Variants in IL15 observed in about 807,000 individuals in gnomAD.
IL15 encodes the protein interleukin 15.
Under a neutral mutation model 19.6 loss-of-function variants are expected in IL15, and 11 were observed. The observed-to-expected ratio is 0.56, with a 90% confidence interval of 0.35 to 0.93. The LOEUF is 0.93. Ranked by LOEUF, IL15 falls within the 40% of genes least tolerant of loss-of-function variation. The pLI, the probability that IL15 is intolerant of heterozygous loss-of-function variation, is 0.01. For missense variants in IL15, 197 were observed against 186.5 expected (o/e 1.06, Z -0.33); for synonymous variants, 58 against 59.6 (o/e 0.97, Z 0.12).
intron 5 of IL15, among the ~76,000 whole-genome samples, chr4:141,726,642 C>A (rs1427289410): frequency 6.6e-6 from 1 of 152,116 alleles, no homozygotes; most frequent in Admixed American, 6.6e-5. Context: ...AAAATATGTA[C>A]ATGAATGTTC....
intron 1 of IL15, among the ~76,000 whole-genome samples, chr4:141,649,751 T>C (rs1403491366): frequency 6.6e-6 from 1 of 151,994 alleles, no homozygotes; most frequent in African/African-American, 2.4e-5. Flanking sequence ...CTTGCTGCAA[T>C]TAAATATGGT....
chr4:141,642,240 T>C (rs187653834), intron 1 of IL15, among the ~76,000 whole-genome samples: 57 of 152,120 alleles, frequency 3.7e-4, no homozygotes, highest in African/African-American at 1.4e-3. Context: ...AGGGTAATTA[T>C]GAAAGAGGAA....
rs146591199 is a variant in IL15, at chr4:141,656,161, T to C, written c.-221-25T>C. ...ACTCAATACATAATTATTAATCCTC[T>C]TATCCGTACCTTTGACTCTTACAGA... On this transcript the variant is annotated intron_variant, in intron 1 of 7. Coordinates refer to ENST00000320650, the MANE Select transcript of IL15 (RefSeq NM_000585.5). The C allele has an allele frequency of 1.8e-3, 709 of 398,330 alleles. 6 individuals are homozygous for C. The highest frequency in any genetic ancestry group is 0.014 in the African/African-American group (671 of 48,726). The allele number at this position is 398,330 out of a possible 1,614,324, so 24.7% of individuals were successfully genotyped here. A position where few individuals can be genotyped will look rare whatever the true frequency, so the allele number is the denominator to read the frequency against.
At chr4:141,689,828 GCT>G (rs1728846888) in intron 2 of IL15, among the ~76,000 whole-genome samples, 2 of 152,236 alleles carry the variant, frequency 1.3e-5, no homozygotes, top group Admixed American at 1.3e-4. Context: ...TGCAGGTGGA[GCT>G]GCCTGCCAGT....
chr4:141,718,425 A>C (rs1158613633), intron 2 of IL15: 1 of 152,220 alleles, frequency 6.6e-6, no homozygotes. Context: ...GAATAATTAT[A>C]AAATGAGAGT....
chr4:141,726,551 A>AGG (rs1730272132), intron 5 of IL15, among the ~76,000 whole-genome samples: 1 of 152,182 alleles, frequency 6.6e-6, no homozygotes, highest in Non-Finnish European at 1.5e-5. Context: ...ATCCTATGAA[A>AGG]CAAAACATGC....
intron 7 of IL15, among the ~76,000 whole-genome samples, 159 bp from the exon 8 acceptor site, chr4:141,732,579 C>T (rs566223393): frequency 7.1e-4 from 108 of 152,340 alleles, no homozygotes; most frequent in African/African-American, 2.5e-3. Context: ...TCCCTGTTCT[C>T]TTTCCTCGTA....
intron 1 of IL15, among the ~76,000 whole-genome samples, chr4:141,645,012 T>G (rs1327579001): frequency 6.6e-6 from 1 of 152,170 alleles, no homozygotes; most frequent in African/African-American, 2.4e-5. Context: ...AGAAATAATT[T>G]TTGCTATTCT....
At chr4:141,691,339 G>A (rs12503010) in intron 2 of IL15, among the ~76,000 whole-genome samples, 2 of 152,174 alleles carry the variant, frequency 1.3e-5, no homozygotes, top group South Asian at 4.2e-4. Flanking sequence ...TTATCATTCT[G>A]CCCATAGCAC....
intron 2 of IL15, among the ~76,000 whole-genome samples, chr4:141,692,746 T>C (rs1225349493): frequency 1.3e-5 from 2 of 151,988 alleles, no homozygotes. Context: ...TCCATATCAC[T>C]ATCAGCATTT....
chr4:141,659,026 A>AT (rs1333769226), intron 2 of IL15, among the ~76,000 whole-genome samples: 4 of 150,690 alleles, frequency 2.7e-5, no homozygotes, highest in East Asian at 2.0e-4. Context: ...CGCCTGGCTA[A>AT]TTTTTTTTGT....
At chr4:141,692,045 T>C (rs956529712) in intron 2 of IL15, among the ~76,000 whole-genome samples, 4 of 152,336 alleles carry the variant, frequency 2.6e-5, no homozygotes, top group African/African-American at 9.6e-5. Flanking sequence ...AGGCAGATGC[T>C]CCCAAAGCTC....
At chr4:141,695,789 T>G (rs116092258) in intron 2 of IL15, among the ~76,000 whole-genome samples, 312 of 152,188 alleles carry the variant, frequency 2.1e-3, no homozygotes, top group African/African-American at 6.9e-3. Context: ...TCAAGTTGTA[T>G]TGTTTCTTCA....
rs1729995491 is a variant in IL15, at chr4:141,719,366, A to C, written c.-99A>C. On this transcript the variant is annotated splice_region_variant and 5_prime_UTR_variant, in exon 3 of 8. Coordinates refer to ENST00000320650, the MANE Select transcript of IL15 (RefSeq NM_000585.5). The stretch of plus-strand genomic sequence containing the variant: ...TTTAATGGATCATACTTTACCCTAG[A>C]TTGTATTGTAGGAGGCATTGTGGAT... 2 of 675,916 alleles carry C rather than the reference A, an allele frequency of 3.0e-6. No homozygotes were observed. Among genetic ancestry groups the C allele is most frequent in the South Asian group, 3.6e-5 (2 of 54,858 alleles). 41.9% of individuals were successfully genotyped at this position (675,916 alleles called of 1,614,324 possible).
chr4:141,665,868 A>G (rs1278461685), intron 2 of IL15, among the ~76,000 whole-genome samples: 1 of 152,054 alleles, frequency 6.6e-6, no homozygotes, highest in Non-Finnish European at 1.5e-5. Context: ...CATAACTCCC[A>G]TAGACCTTGT....
intron 2 of IL15, among the ~76,000 whole-genome samples, chr4:141,713,229 A>G (rs1049055347): frequency 6.6e-6 from 1 of 152,172 alleles, no homozygotes; most frequent in African/African-American, 2.4e-5. Context: ...AAGATTGGAG[A>G]TGTTTAAAGA....
chr4:141,720,709 A>G (rs546931291), intron 4 of IL15, 143 bp downstream of exon 4: 7 of 658,162 alleles, frequency 1.1e-5, no homozygotes, highest in Non-Finnish European at 1.9e-5. Context: ...GGCAGACTAC[A>G]GAGATTTAGA....
intron 1 of IL15, among the ~76,000 whole-genome samples, chr4:141,644,703 G>T (rs779265607): frequency 6.6e-6 from 1 of 152,106 alleles, no homozygotes; most frequent in Non-Finnish European, 1.5e-5. Flanking sequence ...GCAACCTGTA[G>T]CTAAAAAGAT....
At chr4:141,648,326 G>A (rs997416886) in intron 1 of IL15, among the ~76,000 whole-genome samples, 2 of 151,614 alleles carry the variant, frequency 1.3e-5, no homozygotes, top group African/African-American at 4.9e-5. Context: ...TTTTGTGCCA[G>A]TTTTATTATA....
Sources: allele counts gnomAD v4.1 joint callset (sites outside exome capture counted in the v4.1 genomes callset), GRCh38; gene constraint gnomAD v4.1.1; transcripts MANE v1.5; gene names NCBI Gene and HGNC (gene_info 2026-07-23, HGNC 2026-07-21).